Variants in ZBTB20 observed in about 807,000 individuals in gnomAD.
The protein encoded by ZBTB20 is zinc finger and BTB domain-containing protein 20.
A neutral mutation model predicts 56.9 loss-of-function variants in ZBTB20; 9 were observed. That is an observed-to-expected ratio of 0.16 (90% CI 0.10 to 0.28). The LOEUF is 0.28. Among genes scored for constraint, ZBTB20 ranks in the 10% least tolerant of loss-of-function variants. The pLI is 1.00. For missense variants in ZBTB20, 655 were observed against 1,003.0 expected (o/e 0.65, Z 4.69); for synonymous variants, 417 against 420.7 (o/e 0.99, Z 0.11).
intron 4 of ZBTB20, among the ~76,000 whole-genome samples, chr3:114,884,330 T>C (rs1483432411): frequency 6.6e-6 from 1 of 152,158 alleles, no homozygotes; most frequent in Non-Finnish European, 1.5e-5. Flanking sequence ...GTGAAAAAAG[T>C]TAGATTCTCA....
At chr3:114,585,420 T>C (rs1260252344) in intron 6 of ZBTB20, among the ~76,000 whole-genome samples, 1 of 151,160 alleles carries the variant, frequency 6.6e-6, no homozygotes, top group East Asian at 2.0e-4. Flanking sequence ...GTATATACAA[T>C]TTTCATTTAA....
intron 1 of ZBTB20, among the ~76,000 whole-genome samples, chr3:115,143,810 TAAG>T (rs1446791165): frequency 6.6e-6 from 1 of 152,168 alleles, no homozygotes; most frequent in African/African-American, 2.4e-5. Flanking sequence ...AAGGTACAAA[TAAG>T]AAATAAACTA....
chr3:114,340,024 G>A (rs1343228783), intron 11 of ZBTB20, among the ~76,000 whole-genome samples: 1 of 152,112 alleles, frequency 6.6e-6, no homozygotes, highest in African/African-American at 2.4e-5. Context: ...ATACTTTCAA[G>A]TTTATCTATT....
intron 3 of ZBTB20, among the ~76,000 whole-genome samples, chr3:114,949,360 G>C (rs1004176653): frequency 6.8e-6 from 1 of 146,404 alleles, no homozygotes; most frequent in Non-Finnish European, 1.5e-5. Flanking sequence ...CATTAAGGTA[G>C]GCAAAAGCTT....
chr3:115,004,256 T>G (rs2079375328), intron 2 of ZBTB20, among the ~76,000 whole-genome samples: 1 of 151,624 alleles, frequency 6.6e-6, no homozygotes, highest in Admixed American at 6.6e-5. Flanking sequence ...AACATGCACA[T>G]TTTGTCCTCA....
intron 5 of ZBTB20, among the ~76,000 whole-genome samples, chr3:114,730,564 C>T (rs917214005): frequency 1.3e-5 from 2 of 152,164 alleles, no homozygotes; most frequent in African/African-American, 4.8e-5. Flanking sequence ...CTAGGACTGG[C>T]GTCCTTATAA....
chr3:114,421,038 T>C (rs1169041084), intron 7 of ZBTB20, among the ~76,000 whole-genome samples: 1 of 152,176 alleles, frequency 6.6e-6, no homozygotes, highest in East Asian at 1.9e-4. Flanking sequence ...TGATTGTTAA[T>C]AAGAAGCTTA....
chr3:114,532,118 TGCAA>T (rs1382481327), intron 6 of ZBTB20, among the ~76,000 whole-genome samples: 9 of 152,176 alleles, frequency 5.9e-5, no homozygotes, highest in African/African-American at 2.2e-4. Flanking sequence ...CAGTGGCACC[TGCAA>T]TGCCAGTGAG....
chr3:114,415,954 C>T (rs981781227), intron 7 of ZBTB20, among the ~76,000 whole-genome samples: 3 of 152,060 alleles, frequency 2.0e-5, no homozygotes, highest in African/African-American at 7.2e-5. Context: ...ATAAATAGCT[C>T]ATCAAATCCC....
intron 1 of ZBTB20, among the ~76,000 whole-genome samples, chr3:115,079,379 C>CTTGT (rs62847761): frequency 1.3e-5 from 2 of 149,458 alleles, no homozygotes; most frequent in Non-Finnish European, 3.0e-5. Context: ...TCAAGTCTTT[C>CTTGT]TTATTTATTT....
At chr3:114,973,086 G>A (rs2077954267) in intron 3 of ZBTB20, among the ~76,000 whole-genome samples, 1 of 152,150 alleles carries the variant, frequency 6.6e-6, no homozygotes, top group Admixed American at 6.6e-5. Context: ...AAATGTATCT[G>A]TACATGTGGC....
intron 5 of ZBTB20, among the ~76,000 whole-genome samples, chr3:114,702,036 TA>T (rs1007833972): frequency 3.3e-5 from 5 of 151,570 alleles, no homozygotes; most frequent in African/African-American, 9.7e-5. Flanking sequence ...ACATAATGCA[TA>T]AAAAAAAATC....
At chr3:114,394,398 C>T (rs749811817) in intron 7 of ZBTB20, among the ~76,000 whole-genome samples, 7 of 152,090 alleles carry the variant, frequency 4.6e-5, no homozygotes, top group African/African-American at 7.2e-5. Context: ...TTCTAGTTCC[C>T]GCTGTGATCA....
chr3:114,772,736 T>G (rs1279672406), intron 5 of ZBTB20, among the ~76,000 whole-genome samples: 1 of 150,844 alleles, frequency 6.6e-6, no homozygotes, highest in African/African-American at 2.4e-5. Flanking sequence ...AGGTGACTCA[T>G]TCTTTTAGAA....
At chr3:114,635,126 G>A (rs2059185830) in intron 6 of ZBTB20, among the ~76,000 whole-genome samples, 1 of 152,166 alleles carries the variant, frequency 6.6e-6, no homozygotes, top group Admixed American at 6.6e-5. Flanking sequence ...TTGGTTCTGA[G>A]GGATAGTTAG....
chr3:114,561,073 T>C (rs1283572541), intron 6 of ZBTB20, among the ~76,000 whole-genome samples: 1 of 152,212 alleles, frequency 6.6e-6, no homozygotes, highest in Non-Finnish European at 1.5e-5. Flanking sequence ...CATAAGAAAC[T>C]ACTCTTTACC....
At chr3:114,624,078 A>G (rs879689346) in intron 6 of ZBTB20, 1 of 152,192 alleles carries the variant, frequency 6.6e-6, no homozygotes, top group Non-Finnish European at 1.5e-5. Flanking sequence ...CAAGAATAAA[A>G]TCCTTGACAC....
intron 10 of ZBTB20, among the ~76,000 whole-genome samples, chr3:114,364,335 G>A (rs145930495): frequency 1.3e-5 from 2 of 152,034 alleles, no homozygotes; most frequent in African/African-American, 4.8e-5. Flanking sequence ...CCTATAATTC[G>A]AGCTACTCAG....
At chr3:114,649,922 T>G (rs979612033) in intron 6 of ZBTB20, among the ~76,000 whole-genome samples, 2 of 151,924 alleles carry the variant, frequency 1.3e-5, no homozygotes, top group African/African-American at 4.8e-5. Flanking sequence ...GCACCATGCT[T>G]TGAATTTATA....
Sources: allele counts gnomAD v4.1 joint callset (sites outside exome capture counted in the v4.1 genomes callset), GRCh38; gene constraint gnomAD v4.1.1; transcripts MANE v1.5; gene names NCBI Gene and HGNC (gene_info 2026-07-23, HGNC 2026-07-21).